The following ST3GAL3 variants were observed in gnomAD, a reference collection of about 807,000 sequenced individuals.
ST3GAL3 encodes the protein CMP-N-acetylneuraminate-beta-1,4-galactoside alpha-2,3-sialyltransferase.
Under a neutral mutation model 50.1 loss-of-function variants are expected in ST3GAL3, and 21 were observed. The observed-to-expected ratio is 0.42, with a 90% CI of 0.30 to 0.60. The LOEUF is 0.60. ST3GAL3 is among the 20% of genes least tolerant of loss of function. The pLI, the probability that ST3GAL3 is intolerant of heterozygous loss-of-function variation, is 0.19. For synonymous variants in ST3GAL3, 183 were observed against 190.0 expected (o/e 0.96, Z 0.30); for missense variants, 353 against 489.4 (o/e 0.72, Z 2.63).
intron 1 of ST3GAL3, among the ~76,000 whole-genome samples, chr1:43,708,489 G>C (rs894468662): frequency 3.4e-4 from 51 of 152,090 alleles, no homozygotes; most frequent in African/African-American, 1.2e-3. Context: ...CATTAAGGTA[G>C]GAAAAAACTC....
In ST3GAL3 at chr1:43,758,585, A is replaced by G. The variant is rs565695110; in HGVS notation, c.118+22205A>G. ...AAAATTTAAATTGAGAGACAGCATT[A>G]AGATTTAAAGTATTTTTCTTATATC... On this transcript the variant is annotated intron_variant, in intron 2 of 11. Coordinates refer to ENST00000347631, the MANE Select transcript of ST3GAL3 (RefSeq NM_006279.5). 5.3e-5 allele frequency among the ~76,000 whole-genome samples: 8 copies of G among 152,320 alleles called. No homozygotes were observed. In the South Asian group the frequency reaches 1.2e-3, roughly 24 times the overall value.
At chr1:43,764,486 T>G (rs1231181120) in intron 2 of ST3GAL3, among the ~76,000 whole-genome samples, 2 of 151,834 alleles carry the variant, frequency 1.3e-5, no homozygotes, top group Admixed American at 6.6e-5. Flanking sequence ...GAGATAAAGA[T>G]TAGGGTGTGA....
intron 4 of ST3GAL3, among the ~76,000 whole-genome samples, chr1:43,835,327 A>G (rs2064150859): frequency 6.6e-6 from 1 of 152,062 alleles, no homozygotes; most frequent in African/African-American, 2.4e-5. Flanking sequence ...CTGCTGGATG[A>G]CTCAGAATCC....
At chr1:43,924,266 T>C (rs772263606) in intron 11 of ST3GAL3, among the ~76,000 whole-genome samples, 3 of 152,154 alleles carry the variant, frequency 2.0e-5, no homozygotes, top group Non-Finnish European at 4.4e-5. Flanking sequence ...CCCGAAAGTC[T>C]TCCATCCCTG....
chr1:43,917,861 G>T (rs919684104), intron 9 of ST3GAL3, among the ~76,000 whole-genome samples: 20 of 147,892 alleles, frequency 1.4e-4, no homozygotes, highest in African/African-American at 4.5e-4. Flanking sequence ...GTAGAAACGG[G>T]GTTTCACCAT....
intron 5 of ST3GAL3, among the ~76,000 whole-genome samples, chr1:43,846,657 C>A (rs2066306638): frequency 6.6e-6 from 1 of 152,148 alleles, no homozygotes; most frequent in Non-Finnish European, 1.5e-5. Context: ...TGTCACCGTA[C>A]CCAGCTAATT....
At chr1:43,798,934 CT>C (rs555766823) in intron 3 of ST3GAL3, among the ~76,000 whole-genome samples, 14 of 152,298 alleles carry the variant, frequency 9.2e-5, no homozygotes, top group Non-Finnish European at 1.8e-4. Flanking sequence ...TTAAGGAGTG[CT>C]TGAGGTCAAA....
At chr1:43,838,669 A>G in intron 5 of ST3GAL3, 1 of 308,910 alleles carries the variant, frequency 3.2e-6, no homozygotes, top group South Asian at 3.2e-5. Flanking sequence ...GGAAGCTTGG[A>G]CCAACTAGCT....
intron 5 of ST3GAL3, among the ~76,000 whole-genome samples, chr1:43,855,856 CAT>C (rs2068256983): frequency 1.3e-5 from 2 of 152,094 alleles, no homozygotes; most frequent in African/African-American, 4.8e-5. Context: ...GCATTAATAA[CAT>C]ACACATTTTA....
chr1:43,815,883 TTGGA>T (rs3838469), intron 4 of ST3GAL3, among the ~76,000 whole-genome samples: 8,941 of 145,322 alleles, frequency 0.062, 770 homozygotes, highest in African/African-American at 0.2. Flanking sequence ...GAATGCTTGG[TTGGA>T]TGGATGGATG....
Position 43,739,675 on chromosome 1 carries a change from C to T in ST3GAL3, c.118+3295C>T, listed in dbSNP as rs138879951. 5.3e-3 allele frequency among the ~76,000 whole-genome samples: 808 copies of T among 152,240 alleles called. 16 individuals carry two copies. Among genetic ancestry groups the T allele is most frequent in the African/African-American group, 0.018 (752 of 41,554 alleles). On this transcript the variant is annotated intron_variant, in intron 2 of 11. Transcript: ENST00000347631. ...AAAACACAACAATTATTATAATATA[C>T]TGAGTTCTAAAAGAGCAATCTGTGT... is the stretch of plus-strand genomic sequence containing the variant.
chr1:43,892,803 C>T (rs942256107), intron 5 of ST3GAL3, among the ~76,000 whole-genome samples: 1 of 152,202 alleles, frequency 6.6e-6, no homozygotes, highest in South Asian at 2.1e-4. Flanking sequence ...TAAGCTCAGT[C>T]GTGACACAGA....
chr1:43,852,654 T>C (rs141543838), intron 5 of ST3GAL3, among the ~76,000 whole-genome samples: 1 of 152,322 alleles, frequency 6.6e-6, no homozygotes, highest in East Asian at 1.9e-4. Context: ...TAAGACACTC[T>C]TTTAGTGGAA....
intron 3 of ST3GAL3, among the ~76,000 whole-genome samples, chr1:43,795,924 A>G (rs1242398825): frequency 2.0e-5 from 3 of 152,114 alleles, no homozygotes; most frequent in East Asian, 1.9e-4. Flanking sequence ...AGGCACCCCA[A>G]ACCCCAGCAA....
At chr1:43,918,000 A>G (rs61027202) in intron 9 of ST3GAL3, among the ~76,000 whole-genome samples, 6,776 of 151,498 alleles carry the variant, frequency 0.045, 175 homozygotes, top group East Asian at 0.13. Context: ...GTGCCAAAGC[A>G]CTTAAAAATG....
chr1:43,796,459 T>C (rs1033327762), intron 3 of ST3GAL3, among the ~76,000 whole-genome samples: 1 of 152,164 alleles, frequency 6.6e-6, no homozygotes, highest in Non-Finnish European at 1.5e-5. Flanking sequence ...CCAAAGACTT[T>C]CAGAACTGAC....
chr1:43,909,547 A>G (rs2080427590), intron 9 of ST3GAL3, among the ~76,000 whole-genome samples: 1 of 152,218 alleles, frequency 6.6e-6, no homozygotes, highest in Non-Finnish European at 1.5e-5. Context: ...CTCTCCTCAT[A>G]GCACACATCA....
chr1:43,790,132 A>G (rs2057865046), intron 2 of ST3GAL3, among the ~76,000 whole-genome samples: 1 of 152,192 alleles, frequency 6.6e-6, no homozygotes, highest in Non-Finnish European at 1.5e-5. Flanking sequence ...GTGAGAAAAA[A>G]ATATCGATGA....
intron 4 of ST3GAL3, among the ~76,000 whole-genome samples, chr1:43,820,292 TATATAAAAATTAAG>T (rs1042513037): frequency 6.6e-6 from 1 of 152,154 alleles, no homozygotes; most frequent in African/African-American, 2.4e-5. Flanking sequence ...CATTTTACCA[TATATAAAAATTAAG>T]ATGGATTAAA....
Sources: gnomAD v4.1 joint callset for allele counts (sites outside exome capture counted in the v4.1 genomes callset) on GRCh38, gnomAD v4.1.1 for gene constraint, MANE v1.5 for transcripts, NCBI Gene and HGNC (gene_info 2026-07-23, HGNC 2026-07-21) for gene names.